Variants in MCPH1 observed in about 807,000 individuals in gnomAD.
The protein encoded by MCPH1 is microcephalin.
Under a neutral mutation model 84.5 loss-of-function variants are expected in MCPH1, and 104 were observed. The ratio of observed to expected loss-of-function variants is 1.23; its 90% confidence interval spans 1.05 to 1.45. The LOEUF is 1.45. Ranked by LOEUF, MCPH1 falls within the 40% of genes most tolerant of loss-of-function variation. The pLI is 0.00. For missense variants in MCPH1, 1,498 were observed against 1,005.7 expected (o/e 1.49, Z -6.62); for synonymous variants, 514 against 366.8 (o/e 1.40, Z -4.58).
intron 12 of MCPH1, among the ~76,000 whole-genome samples, chr8:6,534,386 G>A (rs1401505462): frequency 1.3e-5 from 2 of 152,124 alleles, no homozygotes; most frequent in African/African-American, 4.8e-5. Context: ...GAAGAGGCTT[G>A]AGCACCGTGG....
At chr8:6,415,380 T>C (rs1277751863) in intron 3 of MCPH1, among the ~76,000 whole-genome samples, 1 of 151,160 alleles carries the variant, frequency 6.6e-6, no homozygotes, top group Non-Finnish European at 1.5e-5. Flanking sequence ...CTCAGCCTCC[T>C]AGGCTCAAGT....
chr8:6,445,702 T>G (rs2129555812), intron 8 of MCPH1, 155 bp downstream of exon 8: 1 of 1,423,056 alleles, frequency 7.0e-7, no homozygotes, highest in Non-Finnish European at 9.1e-7. Context: ...AATGATAAAC[T>G]CTTTAGGAAT....
chr8:6,513,964 C>G lies in MCPH1; in HGVS notation c.2214+14035C>G, dbSNP rs190495677. Reference sequence around the variant, plus strand: ...CAAATAGCAGAAATTCCTTCTGGTGCTGTGACAATTTAGGGTCCTTCCCAA... The same window carrying G: ...CAAATAGCAGAAATTCCTTCTGGTGGTGTGACAATTTAGGGTCCTTCCCAA... On this transcript the variant is annotated intron_variant, in intron 12 of 13. Transcript: ENST00000344683. The G allele has an allele frequency of 1.4e-5, 14 of 974,432 alleles. No homozygotes were observed. The Admixed American group carries it at 3.4e-4, about 23-fold the overall frequency. 60.4% of individuals were successfully genotyped at this position (974,432 alleles called of 1,614,324 possible). A position where few individuals can be genotyped will look rare whatever the true frequency, so the allele number is the denominator to read the frequency against.
At chr8:6,604,724 C>T (rs929448240) in intron 12 of MCPH1, among the ~76,000 whole-genome samples, 4 of 152,344 alleles carry the variant, frequency 2.6e-5, no homozygotes, top group South Asian at 2.1e-4. Flanking sequence ...AGACTGGTCT[C>T]GAATTCCTGA....
Position 6,431,489 on chromosome 8 carries a change from A to G in MCPH1, c.234-10A>G. 6.2e-7 allele frequency: 1 copy of G among 1,606,902 alleles called. No homozygotes were observed. Among genetic ancestry groups the G allele is most frequent in the Non-Finnish European group, 8.5e-7 (1 of 1,173,672 alleles). On this transcript the variant is annotated splice_polypyrimidine_tract_variant and intron_variant, in intron 3 of 13. Transcript: ENST00000344683. ...AATACTCATTAGACTACCTTAATTT[A>G]ATTATACAGATGCAGGACAGCTGGA...
At chr8:6,552,974 T>G (rs562761342) in intron 12 of MCPH1, among the ~76,000 whole-genome samples, 2 of 152,310 alleles carry the variant, frequency 1.3e-5, no homozygotes, top group South Asian at 4.1e-4. Flanking sequence ...GCTGTGCAGG[T>G]AGAGCACAGA....
chr8:6,505,493 CTTTATATATGTATATATAGAATATATAT>C (rs1813372523), intron 12 of MCPH1, among the ~76,000 whole-genome samples: 3 of 2,856 alleles, frequency 1.1e-3, no homozygotes, highest in Non-Finnish European at 2.2e-3. Flanking sequence ...TATATATATT[CTTTATATATGTATATATAGAATATATAT>C]TCTTTATATA....
chr8:6,591,663 A>G (rs999069201), intron 12 of MCPH1, among the ~76,000 whole-genome samples: 1 of 152,182 alleles, frequency 6.6e-6, no homozygotes, highest in African/African-American at 2.4e-5. Context: ...AGAGAAACAA[A>G]TAATTTCCTT....
intron 10 of MCPH1, among the ~76,000 whole-genome samples, chr8:6,480,441 G>T (rs1809057371): frequency 6.6e-6 from 1 of 152,160 alleles, no homozygotes; most frequent in Non-Finnish European, 1.5e-5. Flanking sequence ...TCTGATGCTG[G>T]CTCTGTCCCT....
intron 12 of MCPH1, among the ~76,000 whole-genome samples, chr8:6,575,578 C>T (rs924225029): frequency 6.6e-6 from 1 of 152,184 alleles, no homozygotes; most frequent in Non-Finnish European, 1.5e-5. Context: ...TTTGTCACTT[C>T]TTTGAAGGTC....
chr8:6,479,737 T>C (rs903351255), intron 10 of MCPH1, among the ~76,000 whole-genome samples: 4 of 152,124 alleles, frequency 2.6e-5, no homozygotes, highest in African/African-American at 9.7e-5. Flanking sequence ...ACTAATGGCA[T>C]AGAAAGGTTA....
intron 12 of MCPH1, among the ~76,000 whole-genome samples, chr8:6,557,062 C>G (rs1274917572): frequency 6.6e-6 from 1 of 152,192 alleles, no homozygotes; most frequent in Non-Finnish European, 1.5e-5. Context: ...GGTGTTCACT[C>G]ACTTACGCTA....
chr8:6,415,562 C>T (rs1202760764), intron 3 of MCPH1, among the ~76,000 whole-genome samples: 1 of 151,996 alleles, frequency 6.6e-6, no homozygotes, highest in Non-Finnish European at 1.5e-5. Context: ...TCATGTTGGC[C>T]AGGCTGGTTT....
intron 12 of MCPH1, among the ~76,000 whole-genome samples, chr8:6,509,275 C>G (rs78223039): frequency 2.6e-5 from 4 of 152,186 alleles, no homozygotes; most frequent in Non-Finnish European, 4.4e-5. Flanking sequence ...TTTCATGAAA[C>G]CTTCAACACA....
At chr8:6,642,401 C>T (rs944756037) in intron 13 of MCPH1, among the ~76,000 whole-genome samples, 7 of 152,054 alleles carry the variant, frequency 4.6e-5, no homozygotes, top group African/African-American at 9.7e-5. Context: ...CTGGGCCAGG[C>T]GCAACTTGTG....
Position 6,621,518 on chromosome 8 carries a change from C to T in MCPH1, c.2279C>T (p.Pro760Leu). The T allele has an allele frequency of 6.2e-7, 1 of 1,614,168 alleles. No individual in the cohort carries two copies. The highest frequency in any genetic ancestry group is 8.5e-7 in the Non-Finnish European group (1 of 1,180,016). The change falls in exon 13 of 14, where the codon CCA (proline) becomes CTA (leucine). Residue 760 changes from proline (P) to leucine (L), a missense_variant. Transcript: ENST00000344683. ...CGCGGAACCCTCTTTGCCGACCAGC[C>T]AGCGATGTTTGTCTCGCCTGCCAGC... ...PYRGTLFADQPAMFVSPASSP... is the reference protein window; with the variant it reads ...PYRGTLFADQLAMFVSPASSP...
intron 9 of MCPH1, among the ~76,000 whole-genome samples, chr8:6,467,429 T>A (rs17077031): frequency 0.12 from 18,320 of 152,278 alleles, 1,187 homozygotes; most frequent in Middle Eastern, 0.24. Flanking sequence ...AAAGCAGTAC[T>A]AAAATCTTAT....
In MCPH1 at chr8:6,596,679, TG is replaced by T. The variant is rs1477009925; in HGVS notation, c.2215-24772del. ...GGCCCAGGAGACAGTATTACGGCAT[TG>T]GGCTTTGTATTGCCGGAGACCAGCA... On this transcript the variant is annotated intron_variant, in intron 12 of 13. Coordinates refer to ENST00000344683, the MANE Select transcript of MCPH1 (RefSeq NM_024596.5). Among the ~76,000 whole-genome samples the T allele has an allele frequency of 5.9e-5, 9 of 152,148 alleles. 1 individual carries two copies. The highest frequency in any genetic ancestry group is 3.3e-4 in the Admixed American group (5 of 15,290).
intron 13 of MCPH1, among the ~76,000 whole-genome samples, chr8:6,629,577 C>G (rs565274772): frequency 6.6e-6 from 1 of 152,326 alleles, no homozygotes; most frequent in East Asian, 1.9e-4. Context: ...CGAGCAGTCT[C>G]CCAGGAAGCC....
Sources: allele counts gnomAD v4.1 joint callset (sites outside exome capture counted in the v4.1 genomes callset), GRCh38; gene constraint gnomAD v4.1.1; transcripts MANE v1.5; gene names NCBI Gene and HGNC (gene_info 2026-07-23, HGNC 2026-07-21).